Variants in CNTN6 observed in about 807,000 individuals in gnomAD.
CNTN6 encodes contactin 6.
A neutral mutation model predicts 122.8 loss-of-function variants in CNTN6; 137 were observed. That is an observed-to-expected ratio of 1.12 (90% confidence interval 0.97 to 1.29). The LOEUF is 1.29. Ranked by LOEUF, CNTN6 falls within the 50% of genes most tolerant of loss-of-function variation. The pLI is 0.00. For synonymous variants in CNTN6, 570 were observed against 426.0 expected, an observed-to-expected ratio of 1.34 and a Z score of -4.16; for missense variants, 1,634 against 1,223.4, an observed-to-expected ratio of 1.34 and a Z score of -5.01.
intron 17 of CNTN6, among the ~76,000 whole-genome samples, chr3:1,377,779 G>C (rs1710089857): frequency 6.6e-6 from 1 of 152,052 alleles, no homozygotes; most frequent in Non-Finnish European, 1.5e-5. Context: ...TGTTACCTCT[G>C]GATTCTCCAG....
rs113344492 is a variant in CNTN6 at position 1,289,671 on chromosome 3, T to G, written c.455-5930T>G. ...TTTATCTTTTGTTTTGTTTTGTTTT[T>G]TTGGGTTTTTTTTTTTTTTTTGAGA... On this transcript the variant is annotated intron_variant, in intron 5 of 22. Transcript: ENST00000446702. 7.2e-5 allele frequency among the ~76,000 whole-genome samples: 7 copies of G among 96,712 alleles called. No homozygotes were observed. The East Asian group carries it at 9.5e-4, about 13-fold the overall frequency. The allele number at this position is 96,712 out of a possible 152,430, so 63.4% of individuals were successfully genotyped here.
intron 2 of CNTN6, among the ~76,000 whole-genome samples, chr3:1,161,455 A>G (rs2093130700): frequency 1.3e-5 from 2 of 151,152 alleles, no homozygotes; most frequent in South Asian, 4.2e-4. Context: ...TAATTATGAT[A>G]TTATATATTT....
chr3:1,200,444 C>T (rs1384974993), intron 2 of CNTN6, among the ~76,000 whole-genome samples: 1 of 152,134 alleles, frequency 6.6e-6, no homozygotes, highest in African/African-American at 2.4e-5. Flanking sequence ...TCTGTGGTAC[C>T]TCTAAAGCTA....
chr3:1,267,029 C>T (rs948285767), intron 4 of CNTN6, among the ~76,000 whole-genome samples: 5 of 146,616 alleles, frequency 3.4e-5, no homozygotes, highest in African/African-American at 1.0e-4. Context: ...AATTCTTCTG[C>T]CTCAGCCTCC....
chr3:1,276,141 A>G (rs1393106725), intron 4 of CNTN6, among the ~76,000 whole-genome samples: 2 of 152,220 alleles, frequency 1.3e-5, no homozygotes, highest in Non-Finnish European at 2.9e-5. Context: ...AAAGATGGGT[A>G]ATCTCTACTT....
chr3:1,295,367 A>G (rs992412830), intron 5 of CNTN6, among the ~76,000 whole-genome samples: 1 of 152,096 alleles, frequency 6.6e-6, no homozygotes, highest in Non-Finnish European at 1.5e-5. Flanking sequence ...TATATCCTTA[A>G]TCCCAAAAAG....
chr3:1,178,154 G>C (rs957184493), intron 2 of CNTN6, among the ~76,000 whole-genome samples: 10 of 152,046 alleles, frequency 6.6e-5, no homozygotes, highest in African/African-American at 1.4e-4. Flanking sequence ...ACCCACCTCA[G>C]CCTCCCAAAG....
intron 8 of CNTN6, among the ~76,000 whole-genome samples, chr3:1,324,055 G>T (rs1701214786): frequency 6.7e-6 from 1 of 149,606 alleles, no homozygotes; most frequent in South Asian, 2.1e-4. Flanking sequence ...ATATAATTTT[G>T]TTAATAATAC....
intron 17 of CNTN6, among the ~76,000 whole-genome samples, chr3:1,381,225 G>C (rs1371735006): frequency 6.6e-6 from 1 of 152,160 alleles, no homozygotes; most frequent in Non-Finnish European, 1.5e-5. Context: ...CTAGCAAGTA[G>C]CATCGATTCT....
chr3:1,300,527 TAAAGAA>T (rs1184518814), intron 7 of CNTN6, among the ~76,000 whole-genome samples: 1 of 81,416 alleles, frequency 1.2e-5, no homozygotes, highest in Non-Finnish European at 2.8e-5. Flanking sequence ...GAAAGAAAGA[TAAAGAA>T]AGAGAGAGAA....
At chr3:1,334,926 C>A (rs987963) in intron 11 of CNTN6, among the ~76,000 whole-genome samples, 28,699 of 152,020 alleles carry the variant, frequency 0.19, 3,538 homozygotes, top group East Asian at 0.55. Flanking sequence ...TTATTAATTT[C>A]TTCATTCATT....
chr3:1,118,996 A>G (rs1445547777), intron 1 of CNTN6, among the ~76,000 whole-genome samples: 3 of 152,164 alleles, frequency 2.0e-5, no homozygotes, highest in African/African-American at 7.2e-5. Flanking sequence ...ATGGGACCAT[A>G]CATAAAGGGC....
chr3:1,323,161 C>T (rs62230963), intron 8 of CNTN6, among the ~76,000 whole-genome samples: 67,288 of 151,472 alleles, frequency 0.44, 15,521 homozygotes, highest in East Asian at 0.76. Flanking sequence ...TACAAACATT[C>T]ACTTATAGAA....
chr3:1,311,961 A>G (rs900043950), intron 7 of CNTN6, among the ~76,000 whole-genome samples: 2 of 152,034 alleles, frequency 1.3e-5, no homozygotes, highest in African/African-American at 4.8e-5. Flanking sequence ...GTAATCATGA[A>G]TAATAATGTA....
At chr3:1,313,587 T>C (rs1396933817) in intron 7 of CNTN6, among the ~76,000 whole-genome samples, 1 of 151,954 alleles carries the variant, frequency 6.6e-6, no homozygotes, top group East Asian at 1.9e-4. Flanking sequence ...GCCTGCGTCC[T>C]TTTTTTTCCC....
chr3:1,225,887 C>T (rs2094276526), intron 3 of CNTN6, among the ~76,000 whole-genome samples: 2 of 152,034 alleles, frequency 1.3e-5, no homozygotes, highest in Admixed American at 6.6e-5. Context: ...TGGTTCAAAA[C>T]CTTTGATTGA....
intron 7 of CNTN6, among the ~76,000 whole-genome samples, chr3:1,321,145 C>A (rs1381221971): frequency 1.3e-5 from 2 of 151,514 alleles, no homozygotes; most frequent in African/African-American, 2.4e-5. Context: ...CTATTAGTAC[C>A]AGTTTAGATC....
intron 20 of CNTN6, among the ~76,000 whole-genome samples, chr3:1,397,004 C>T (rs1163115563): frequency 6.6e-6 from 1 of 152,208 alleles, no homozygotes; most frequent in African/African-American, 2.4e-5. Flanking sequence ...TTACCAAAAT[C>T]TCTGCCTGTT....
At chr3:1,136,298 T>C (rs2092471197) in intron 1 of CNTN6, among the ~76,000 whole-genome samples, 1 of 152,178 alleles carries the variant, frequency 6.6e-6, no homozygotes, top group Non-Finnish European at 1.5e-5. Context: ...TTGACACGAT[T>C]AGGACTCTAA....
Sources: allele counts gnomAD v4.1 joint callset (sites outside exome capture counted in the v4.1 genomes callset), GRCh38; gene constraint gnomAD v4.1.1; transcripts MANE v1.5; gene names NCBI Gene and HGNC (gene_info 2026-07-23, HGNC 2026-07-21).